PLA2G3: variants seen among roughly 807,000 people sequenced by gnomAD.
PLA2G3 encodes phospholipase A2 group III.
Under a neutral mutation model 51.3 loss-of-function variants are expected in PLA2G3, and 39 were observed. The observed-to-expected ratio is 0.76, with a 90% CI of 0.59 to 0.99. The LOEUF is 0.99. Among genes scored for constraint, PLA2G3 ranks in the 50% least tolerant of loss-of-function variants. The pLI is 0.00. For synonymous variants in PLA2G3, 293 were observed against 263.1 expected, an observed-to-expected ratio of 1.11 and a Z score of -1.10; for missense variants, 677 against 662.1, an observed-to-expected ratio of 1.02 and a Z score of -0.25.
Position 31,140,011 on chromosome 22 carries a change from CACTG to C in PLA2G3, c.340_343del (p.Gln114GlyfsTer238). The C allele has an allele frequency of 6.2e-7, 1 of 1,613,808 alleles. No individual in the cohort carries two copies. The highest frequency in any genetic ancestry group is 8.5e-7 in the Non-Finnish European group (1 of 1,180,038). On this transcript the variant is annotated frameshift_variant, in exon 1 of 7. Transcript: ENST00000215885. LOFTEE classifies it high-confidence loss of function. ...CTCCTCAAGCGCTCGGCATGCCTCC[CACTG>C]ACTCTGAAGAGTGGCCAGTGCTCTC... is the stretch of plus-strand genomic sequence containing the variant.
Position 31,137,873 on chromosome 22 carries a change from C to T in PLA2G3, c.903G>A (p.Lys301=), listed in dbSNP as rs760033663. 1.9e-6 allele frequency: 3 copies of T among 1,614,002 alleles called. No individual in the cohort carries two copies. The highest frequency in any genetic ancestry group is 3.3e-5 in the Admixed American group (2 of 60,016). ...TCCGAAGGTGCTGCTTCTGTCGAGG[C>T]TTGGGAGGGGCTGGGCTCCGGGAGC... ...TPSSRSPAPP[K]PRQKQHLRKG... The change falls in exon 4 of 7, where the codon AAG becomes AAA. Residue 301 remains lysine (K), a synonymous_variant. Coordinates refer to ENST00000215885, the MANE Select transcript of PLA2G3 (RefSeq NM_015715.5).
chr22:31,135,539 C>G lies in PLA2G3; in HGVS notation c.*184G>C, dbSNP rs1411025592. On this transcript the variant is annotated 3_prime_UTR_variant, in exon 7 of 7. Transcript: ENST00000215885. ...TGTGTCATACATAGCTCAAGGTTAC[C>G]CAGAACAGCAGGAGATGTGGTCCAG... 1 of 605,288 alleles carries G rather than the reference C, an allele frequency of 1.7e-6. No homozygotes were observed. Among genetic ancestry groups the G allele is most frequent in the Admixed American group, 2.9e-5 (1 of 34,354 alleles). 37.5% of individuals were successfully genotyped at this position (605,288 alleles called of 1,614,324 possible).
chr22:31,140,242 G>A lies in PLA2G3; in HGVS notation c.113C>T (p.Pro38Leu). The A allele has an allele frequency of 6.2e-7, 1 of 1,612,608 alleles. No individual in the cohort carries two copies. Among genetic ancestry groups the A allele is most frequent in the Non-Finnish European group, 8.5e-7 (1 of 1,180,004 alleles). ...GCTCAGGTACCCCAGTGGGTTGCCA[G>A]GGACGGCCTTGGTCAAGTGGCAGGA... The part of the protein sequence containing the change: ...RTSCHLTKAV[P>L]GNPLGYLSFL... The change falls in exon 1 of 7, where the codon CCT (proline) becomes CTT (leucine). Residue 38 changes from proline (P) to leucine (L), a missense_variant. Transcript: ENST00000215885.
rs1363923037 is a variant in PLA2G3, at chr22:31,138,749, G to C, written c.565C>G (p.Gln189Glu). 6.2e-7 allele frequency: 1 copy of C among 1,614,110 alleles called. No homozygotes were observed. ...TTGTACTGCAAGGGTGAGATGTTCTGTGGGCAGCGGTCATGTTCCCGGCAA... is the reference window on the plus strand; with the variant it reads ...TTGTACTGCAAGGGTGAGATGTTCTCTGGGCAGCGGTCATGTTCCCGGCAA... ...LCCREHDRCP[Q>E]NISPLQYNYG... Residue 189 changes from glutamine (Q) to glutamate (E), a missense_variant, in exon 2 of 7, where the codon CAG becomes GAG. Gln to Glu is a conservative substitution (Grantham distance 29, BLOSUM62 2). Coordinates refer to ENST00000215885, the MANE Select transcript of PLA2G3 (RefSeq NM_015715.5).
intron 1 of PLA2G3, 42 bp from the exon 2 acceptor site, chr22:31,138,841 C>T (rs1276710289): frequency 6.2e-7 from 1 of 1,609,534 alleles, no homozygotes; most frequent in Non-Finnish European, 8.5e-7. Flanking sequence ...TCAGCAGGGT[C>T]CTAGGCATCA....
In PLA2G3 at chr22:31,139,995, C is replaced by G. The variant is rs149748193; in HGVS notation, c.360G>C (p.Ala120=). ...TGGCCCCTGCTGGACTCTCCTCAAG[C>G]GCTCGGCATGCCTCCCACTGACTCT... is the stretch of plus-strand genomic sequence containing the variant. ...TLQSQWEACR[A]LEESPAGARK... is the part of the protein sequence containing the mutation. The change falls in exon 1 of 7, where the codon GCG becomes GCC. Residue 120 remains alanine, a synonymous_variant. Transcript: ENST00000215885. 2 of 1,613,846 alleles carry G rather than the reference C, an allele frequency of 1.2e-6. No individual in the cohort carries two copies.
In PLA2G3 at chr22:31,136,973, C is replaced by A; in HGVS notation, c.1134G>T (p.Arg378=). 6.3e-7 allele frequency: 1 copy of A among 1,581,836 alleles called. No individual in the cohort carries two copies. Among genetic ancestry groups the A allele is most frequent in the Admixed American group, 1.9e-5 (1 of 53,628 alleles). Residue 378 remains arginine (R), a synonymous_variant, in exon 5 of 7, where the codon CGG becomes CGT. Coordinates refer to ENST00000215885, the MANE Select transcript of PLA2G3 (RefSeq NM_015715.5). ...TGTTGAGCAGCTGGAACTCGATTTCCCGGGGCCCAATCTGGTGCTCACACT... is the reference window on the plus strand; with the variant it reads ...TGTTGAGCAGCTGGAACTCGATTTCACGGGGCCCAATCTGGTGCTCACACT... ...LDQCEHQIGP[R]EIEFQLLNSA...
chr22:31,140,505 A>G lies in PLA2G3; in HGVS notation c.-151T>C. 1 of 825,160 alleles carries G rather than the reference A, an allele frequency of 1.2e-6. No homozygotes were observed. The highest frequency in any genetic ancestry group is 1.9e-6 in the Non-Finnish European group (1 of 539,916). The allele number at this position is 825,160 out of a possible 1,614,324, so 51.1% of individuals were successfully genotyped here. A position where few individuals can be genotyped will look rare whatever the true frequency, so the allele number is the denominator to read the frequency against. On this transcript the variant is annotated 5_prime_UTR_variant, in exon 1 of 7. Coordinates refer to ENST00000215885, the MANE Select transcript of PLA2G3 (RefSeq NM_015715.5). ...AATGGAGCTGCGGGAGGAGGAGGAAAGAGGCTGGAGTATGGGGTGATCTTG... is the reference window on the plus strand; with the variant it reads ...AATGGAGCTGCGGGAGGAGGAGGAAGGAGGCTGGAGTATGGGGTGATCTTG...
intron 3 of PLA2G3, 24 bp downstream of exon 3, chr22:31,138,252 G>C: frequency 6.2e-7 from 1 of 1,611,316 alleles, no homozygotes; most frequent in Non-Finnish European, 8.5e-7. Flanking sequence ...GTCTGGAAAG[G>C]GACATGAGGG....
Position 31,137,816 on chromosome 22 carries a change from GCGCTTGGACC to G in PLA2G3, c.950_959del (p.Gly317AlafsTer33). The G allele has an allele frequency of 1.2e-6, 2 of 1,614,132 alleles. No individual in the cohort carries two copies. The highest frequency in any genetic ancestry group is 1.7e-6 in the Non-Finnish European group (2 of 1,180,018). On this transcript the variant is annotated frameshift_variant, in exon 4 of 7. Transcript: ENST00000215885. LOFTEE classifies it high-confidence loss of function. ...GGGCTGTGGTGTTGGCTTTGCTGGG[GCGCTTGGACC>G]CTTTCTGATGTGGTGGCCCCTTCCG... is the stretch of plus-strand genomic sequence containing the variant.
In PLA2G3 at chr22:31,135,529, T is replaced by C. The variant is rs1922506097; in HGVS notation, c.*194A>G. 1 of 598,210 alleles carries C rather than the reference T, an allele frequency of 1.7e-6. No individual in the cohort carries two copies. The highest frequency in any genetic ancestry group is 3.0e-6 in the Non-Finnish European group (1 of 334,988). The allele number at this position is 598,210 out of a possible 1,614,324, so 37.1% of individuals were successfully genotyped here. A position where few individuals can be genotyped will look rare whatever the true frequency, so the allele number is the denominator to read the frequency against. On this transcript the variant is annotated 3_prime_UTR_variant, in exon 7 of 7. Coordinates refer to ENST00000215885, the MANE Select transcript of PLA2G3 (RefSeq NM_015715.5). ...ATAGAAGAGTTGTGTCATACATAGC[T>C]CAAGGTTACCCAGAACAGCAGGAGA... is the stretch of plus-strand genomic sequence containing the variant.
chr22:31,139,844 G>C lies in PLA2G3; in HGVS notation c.511C>G (p.Leu171Val), dbSNP rs1922788569. 3 of 1,611,680 alleles carry C rather than the reference G, an allele frequency of 1.9e-6. No homozygotes were observed. Among genetic ancestry groups the C allele is most frequent in the Middle Eastern group, 1.7e-4 (1 of 6,048 alleles). ...VGDSAGNSSE[L>V]GVFQGPDLCC... Reference sequence around the variant, plus strand: ...CCACACACCCCTCATGGCTCACCCAGCTCCGAGGAGTTCCCAGCAGAATCT... The same window carrying C: ...CCACACACCCCTCATGGCTCACCCACCTCCGAGGAGTTCCCAGCAGAATCT... Residue 171 changes from leucine to valine, a missense_variant, in exon 1 of 7, where the codon CTG (leucine) becomes GTG (valine). Leu to Val is a conservative substitution (Grantham distance 32). Coordinates refer to ENST00000215885, the MANE Select transcript of PLA2G3 (RefSeq NM_015715.5).
At chr22:31,136,604 GC>G in intron 6 of PLA2G3, 78 bp downstream of exon 6, 1 of 1,109,200 alleles carries the variant, frequency 9.0e-7, no homozygotes, top group Non-Finnish European at 1.4e-6. Context: ...CTACCCCTTG[GC>G]CCAAGCATTC....
chr22:31,140,287 G>T lies in PLA2G3; in HGVS notation c.68C>A (p.Ala23Asp). The T allele has an allele frequency of 6.2e-7, 1 of 1,611,536 alleles. No homozygotes were observed. The highest frequency in any genetic ancestry group is 8.5e-7 in the Non-Finnish European group (1 of 1,179,774). The change falls in exon 1 of 7, where the codon GCC becomes GAC. Residue 23 changes from alanine to aspartate, a missense_variant. Physicochemically the swap from Ala to Asp is moderately radical, Grantham distance 126 (BLOSUM62 -2). Transcript: ENST00000215885. ...FLGVALGGSPALRWYRTSCHL... is the reference protein window; with the variant it reads ...FLGVALGGSPDLRWYRTSCHL... ...GCAGGAGGTCCTGTACCAGCGGAGG[G>T]CAGGGGAGCCCCCCAGGGCCACCCC...
At position 31,137,705 on chromosome 22, in the gene PLA2G3, C is replaced by T; in HGVS notation, c.1066+5G>A. The T allele has an allele frequency of 9.4e-6, 15 of 1,594,888 alleles. No individual in the cohort carries two copies. Among genetic ancestry groups the T allele is most frequent in the Non-Finnish European group, 1.3e-5 (15 of 1,173,442 alleles). The stretch of plus-strand genomic sequence containing the variant: ...GGAACCCCCAAGGTTAGGTTCTGAG[C>T]TCACCCTGAGGTTTTAGGCCACCCT... On this transcript the variant is annotated splice_donor_5th_base_variant and intron_variant, in intron 4 of 6. Coordinates refer to ENST00000215885, the MANE Select transcript of PLA2G3 (RefSeq NM_015715.5).
chr22:31,140,174 G>T lies in PLA2G3; in HGVS notation c.181C>A (p.Arg61Ser), dbSNP rs188950582. Reference protein sequence around the residue: ...DAQGLALIHARWDAHRRLQSC... With the variant: ...DAQGLALIHASWDAHRRLQSC... ...TGCAGCCTCCTATGCGCATCCCAGC[G>T]GGCATGGATCAGGGCCAGTCCCTGA... Residue 61 changes from arginine to serine, a missense_variant, in exon 1 of 7, where the codon CGC (arginine) becomes AGC (serine). Physicochemically the swap from Arg to Ser is moderately radical, Grantham distance 110. Transcript: ENST00000215885. 5 of 1,612,402 alleles carry T rather than the reference G, an allele frequency of 3.1e-6. No individual in the cohort carries two copies. The highest frequency in any genetic ancestry group is 4.2e-6 in the Non-Finnish European group (5 of 1,179,906).
rs1455395691 is a variant in PLA2G3, at chr22:31,140,102, C to T, written c.253G>A (p.Ala85Thr). 1 of 1,613,226 alleles carries T rather than the reference C, an allele frequency of 6.2e-7. No homozygotes were observed. The change falls in exon 1 of 7, where the codon GCT (alanine) becomes ACT (threonine). Residue 85 changes from alanine to threonine, a missense_variant. Physicochemically the swap from Ala to Thr is moderately conservative, Grantham distance 58. Coordinates refer to ENST00000215885, the MANE Select transcript of PLA2G3 (RefSeq NM_015715.5). ...CAGGCAGTCTCATGAGCACAGAGAG[C>T]ACCGTAGGCTGCGGTGAGCTCCGGC... ...DEPELTAAYG[A>T]LCAHETAWGS...
chr22:31,138,197 CAGAT>C (rs1225913835), intron 3 of PLA2G3, 75 bp downstream of exon 3: 34 of 1,531,982 alleles, frequency 2.2e-5, no homozygotes, highest in Non-Finnish European at 2.9e-5. Flanking sequence ...GACAGACAGA[CAGAT>C]AGCTCTCCCT....
chr22:31,137,967 AGGGGCACTGTGCCGTACATCCTACACCTG>A lies in PLA2G3; in HGVS notation c.783-3_808del, dbSNP rs1922684787. 2 of 1,589,380 alleles carry A rather than the reference AGGGGCACTGTGCCGTACATCCTACACCTG, an allele frequency of 1.3e-6. No individual in the cohort carries two copies. The highest frequency in any genetic ancestry group is 1.8e-5 in the Admixed American group (1 of 56,718). On this transcript the variant is annotated splice_acceptor_variant and splice_polypyrimidine_tract_variant and coding_sequence_variant and intron_variant, in exon 4 of 7. Coordinates refer to ENST00000215885, the MANE Select transcript of PLA2G3 (RefSeq NM_015715.5). LOFTEE classifies it high-confidence loss of function. ...GAAGGTCCTGGGCTGCAGGCGAGCG[AGGGGCACTGTGCCGTACATCCTACACCTG>A]GGTGGTGGCAGTTGGTGGAAATTGG...
Sources: allele counts gnomAD v4.1 joint callset, GRCh38; gene constraint gnomAD v4.1.1; transcripts MANE v1.5; gene names NCBI Gene and HGNC (gene_info 2026-07-23, HGNC 2026-07-21).